Variants in DIP2C observed in about 807,000 individuals in gnomAD.
DIP2C encodes DIP2 acetate--CoA ligase C (putative).
A neutral mutation model predicts 192.4 loss-of-function variants in DIP2C; 33 were observed. That is an observed-to-expected ratio of 0.17 (90% CI 0.13 to 0.23). The LOEUF (loss-of-function observed/expected upper bound fraction) is 0.23, where lower values mean the gene tolerates loss of function less well. DIP2C is among the 10% of genes least tolerant of loss of function. DIP2C has a pLI of 1.00. For missense variants in DIP2C, 1,537 were observed against 2,110.1 expected, an observed-to-expected ratio of 0.73 and a Z score of 5.32; for synonymous variants, 979 against 864.1, an observed-to-expected ratio of 1.13 and a Z score of -2.33.
At chr10:294,823 T>C (rs1480186227) in intron 32 of DIP2C, among the ~76,000 whole-genome samples, 1 of 152,004 alleles carries the variant, frequency 6.6e-6, no homozygotes, top group African/African-American at 2.4e-5. Flanking sequence ...CAAATAGGAT[T>C]ATAAATAACT....
chr10:397,346 G>A (rs191191926), intron 10 of DIP2C, among the ~76,000 whole-genome samples: 5 of 152,104 alleles, frequency 3.3e-5, no homozygotes, highest in African/African-American at 7.2e-5. Context: ...CCTGGCCAAC[G>A]TAACAAAACC....
At chr10:405,249 C>T (rs1049565004) in intron 9 of DIP2C, among the ~76,000 whole-genome samples, 2 of 152,226 alleles carry the variant, frequency 1.3e-5, no homozygotes, top group African/African-American at 4.8e-5. Flanking sequence ...TGCCTCCTCT[C>T]CCAGCTCCTG....
intron 3 of DIP2C, among the ~76,000 whole-genome samples, chr10:451,260 A>G (rs1243358562): frequency 6.6e-6 from 1 of 151,196 alleles, no homozygotes; most frequent in Non-Finnish European, 1.5e-5. Context: ...CTACAAACAG[A>G]TTTTCAAAAA....
chr10:551,950 C>T (rs752347752), intron 1 of DIP2C, among the ~76,000 whole-genome samples: 14 of 152,228 alleles, frequency 9.2e-5, no homozygotes, highest in African/African-American at 2.4e-4. Context: ...TCCTCTGAGA[C>T]GCTGCTATAG....
chr10:299,784 C>T (rs572900843), intron 32 of DIP2C, among the ~76,000 whole-genome samples: 2 of 151,464 alleles, frequency 1.3e-5, no homozygotes, highest in African/African-American at 4.8e-5. Context: ...GGGACTCTTA[C>T]AATTCAATAG....
At chr10:415,172 G>A (rs1041376181) in intron 7 of DIP2C, among the ~76,000 whole-genome samples, 1 of 152,108 alleles carries the variant, frequency 6.6e-6, no homozygotes, top group Non-Finnish European at 1.5e-5. Context: ...GGTGAAGAAT[G>A]GAAATTATCT....
chr10:532,650 TGAGA>T (rs1188687362), intron 1 of DIP2C, among the ~76,000 whole-genome samples: 5 of 97,402 alleles, frequency 5.1e-5, no homozygotes, highest in Admixed American at 3.0e-4. Flanking sequence ...AGTATGGGTG[TGAGA>T]GAGAGTATGG....
intron 1 of DIP2C, among the ~76,000 whole-genome samples, chr10:635,972 C>G (rs1466652173): frequency 6.6e-6 from 1 of 152,190 alleles, no homozygotes; most frequent in Non-Finnish European, 1.5e-5. Flanking sequence ...AAGCTCTGCA[C>G]CCAAGTGAAG....
intron 4 of DIP2C, chr10:438,027 T>C (rs1967410694): frequency 6.6e-6 from 1 of 152,246 alleles, no homozygotes; most frequent in East Asian, 1.9e-4. Flanking sequence ...TTGATATTTA[T>C]GATTGTACAA....
intron 1 of DIP2C, among the ~76,000 whole-genome samples, chr10:576,936 G>A (rs1451568195): frequency 6.6e-6 from 1 of 151,952 alleles, no homozygotes; most frequent in African/African-American, 2.4e-5. Context: ...AAAAATAAGA[G>A]GGCAAGATGA....
intron 1 of DIP2C, among the ~76,000 whole-genome samples, chr10:616,756 A>G (rs1347000196): frequency 1.3e-5 from 2 of 152,230 alleles, no homozygotes; most frequent in East Asian, 1.9e-4. Flanking sequence ...AGGCCAGGCA[A>G]GCATAGAGAG....
intron 3 of DIP2C, among the ~76,000 whole-genome samples, chr10:448,820 T>C (rs866421585): frequency 3.2e-3 from 168 of 52,648 alleles, no homozygotes; most frequent in East Asian, 5.3e-3. Context: ...CCACTCATCC[T>C]CATCTATACT....
chr10:464,144 T>G (rs550737887), intron 3 of DIP2C, among the ~76,000 whole-genome samples: 17 of 152,190 alleles, frequency 1.1e-4, no homozygotes, highest in African/African-American at 4.1e-4. Flanking sequence ...AATTGACAAA[T>G]GGCATCTAAT....
At chr10:396,349 C>T (rs562377553) in intron 10 of DIP2C, among the ~76,000 whole-genome samples, 4 of 152,280 alleles carry the variant, frequency 2.6e-5, no homozygotes, top group African/African-American at 4.8e-5. Context: ...AGGAAAACCA[C>T]CTCCCCCCTT....
chr10:670,787 T>C (rs964911056), intron 1 of DIP2C, among the ~76,000 whole-genome samples: 5 of 152,148 alleles, frequency 3.3e-5, no homozygotes, highest in African/African-American at 1.2e-4. Flanking sequence ...GCTGTGAAAA[T>C]GAAGCATGTT....
Position 617,655 on chromosome 10 carries a change from A to ACCC in DIP2C, c.85+71836_85+71838dup, listed in dbSNP as rs3049602. Reference sequence around the variant, plus strand: ...CACTGTCCAGGCTCCTGTGGATACCACCCCCCCACCCCCACCCCTGCTTGG... The same window carrying ACCC: ...CACTGTCCAGGCTCCTGTGGATACCACCCCCCCCCCACCCCCACCCCTGCTTGG... On this transcript the variant is annotated intron_variant, in intron 1 of 36. Coordinates refer to ENST00000280886, the MANE Select transcript of DIP2C (RefSeq NM_014974.3). 8.6e-3 allele frequency among the ~76,000 whole-genome samples: 1,140 copies of ACCC among 132,350 alleles called. 12 individuals carry two copies. The highest frequency in any genetic ancestry group is 0.013 in the African/African-American group (469 of 35,828). 86.8% of individuals were successfully genotyped at this position (132,350 alleles called of 152,430 possible). A position where few individuals can be genotyped will look rare whatever the true frequency, so the allele number is the denominator to read the frequency against.
intron 2 of DIP2C, chr10:484,897 G>A (rs370414687): frequency 3.6e-5 from 58 of 1,611,562 alleles, no homozygotes; most frequent in Admixed American, 2.5e-4. Context: ...TCTCCTCGGC[G>A]CTCCTTCACT....
At chr10:482,273 G>C (rs749390077) in intron 2 of DIP2C, among the ~76,000 whole-genome samples, 1 of 152,206 alleles carries the variant, frequency 6.6e-6, no homozygotes, top group Non-Finnish European at 1.5e-5. Context: ...TGACTCAACA[G>C]TTGGACAGCA....
At chr10:315,574 C>T (rs1472989393) in intron 31 of DIP2C, among the ~76,000 whole-genome samples, 2 of 152,200 alleles carry the variant, frequency 1.3e-5, no homozygotes, top group African/African-American at 4.8e-5. Context: ...TTATTACTTC[C>T]CCCTACTTAG....
Sources: allele counts gnomAD v4.1 joint callset (sites outside exome capture counted in the v4.1 genomes callset), GRCh38; gene constraint gnomAD v4.1.1; transcripts MANE v1.5; gene names NCBI Gene and HGNC (gene_info 2026-07-23, HGNC 2026-07-21).